Variants in ZSCAN2 observed in about 807,000 individuals in gnomAD.
ZSCAN2 encodes zinc finger and SCAN domain-containing protein 2.
Under a neutral mutation model 47.8 loss-of-function variants are expected in ZSCAN2, and 26 were observed. That is an observed-to-expected ratio of 0.54 (90% CI 0.40 to 0.75). The LOEUF (loss-of-function observed/expected upper bound fraction) is 0.75. Among genes scored for constraint, ZSCAN2 ranks in the 30% least tolerant of loss-of-function variants. The pLI, the probability that ZSCAN2 is intolerant of heterozygous loss-of-function variation, is 0.00. For missense variants in ZSCAN2, 732 were observed against 785.4 expected (o/e 0.93, Z 0.81); for synonymous variants, 305 against 288.7 (o/e 1.06, Z -0.57).
chr15:84,621,676 G>A lies in ZSCAN2; in HGVS notation c.1481G>A (p.Arg494Lys), dbSNP rs1291412356. 91 of 1,614,052 alleles carry A rather than the reference G, an allele frequency of 5.6e-5. No homozygotes were observed. The highest frequency in any genetic ancestry group is 7.5e-5 in the Non-Finnish European group (89 of 1,180,004). Residue 494 changes from arginine to lysine, a missense_variant, in exon 3 of 3, where the codon AGG (arginine) becomes AAG (lysine). This residue lies in a region of ZSCAN2 where 412 missense variants were observed against 498.0 expected (regional missense o/e 0.83). Transcript: ENST00000546148. This position sits in a 1 kb window ranked among gnomAD's most constrained non-coding sequence, Gnocchi z 5.7. Reference protein sequence around the residue: ...SWSSNLLKHQRIHTGEKPYKC... With the variant: ...SWSSNLLKHQKIHTGEKPYKC... Reference sequence around the variant, plus strand: ...AGCTCCAACCTCCTCAAGCACCAGAGGATCCACACGGGAGAGAAACCCTAC... The same window carrying A: ...AGCTCCAACCTCCTCAAGCACCAGAAGATCCACACGGGAGAGAAACCCTAC...
chr15:84,609,271 A>G (rs1895474190), intron 2 of ZSCAN2, among the ~76,000 whole-genome samples: 1 of 149,350 alleles, frequency 6.7e-6, no homozygotes, highest in African/African-American at 2.5e-5. Flanking sequence ...ACACATATAT[A>G]TCTATGATAT....
At chr15:84,603,572 C>T (rs546881098) in intron 1 of ZSCAN2, among the ~76,000 whole-genome samples, 13 of 152,064 alleles carry the variant, frequency 8.5e-5, no homozygotes, top group African/African-American at 3.1e-4. Context: ...TTTCACCATA[C>T]CTCAGGTGAT....
At chr15:84,615,034 AC>A (rs1202267476) in intron 2 of ZSCAN2, 1 of 150,552 alleles carries the variant, frequency 6.6e-6, no homozygotes, top group Non-Finnish European at 1.5e-5. Flanking sequence ...GCTCACTGTA[AC>A]CTCCGCCTCC....
intron 1 of ZSCAN2, among the ~76,000 whole-genome samples, chr15:84,601,713 A>AT (rs906519863): frequency 1.3e-4 from 19 of 151,744 alleles, no homozygotes; most frequent in African/African-American, 3.4e-4. Flanking sequence ...TTTTTAAAAA[A>AT]TTTTTTTATT....
At chr15:84,606,410 T>G in intron 2 of ZSCAN2, 9 of 784,672 alleles carry the variant, frequency 1.1e-5, no homozygotes, top group Non-Finnish European at 2.0e-5. Flanking sequence ...CCTGTCTCTT[T>G]CTGCATGGAG....
intron 2 of ZSCAN2, among the ~76,000 whole-genome samples, chr15:84,604,738 CTTTTTTTTTTT>C (rs11459006): frequency 7.8e-6 from 1 of 129,026 alleles, no homozygotes; most frequent in Non-Finnish European, 1.6e-5. Context: ...TTTCTTTTTT[CTTTTTTTTTTT>C]TTTTTTGAAA....
intron 1 of ZSCAN2, among the ~76,000 whole-genome samples, chr15:84,601,668 G>C (rs1567004299): frequency 6.6e-6 from 1 of 151,686 alleles, no homozygotes; most frequent in Non-Finnish European, 1.5e-5. Flanking sequence ...ATTGAGGGAG[G>C]GTTGTTAGTT....
At chr15:84,607,534 G>A (rs898847383) in intron 2 of ZSCAN2, among the ~76,000 whole-genome samples, 15 of 151,206 alleles carry the variant, frequency 9.9e-5, no homozygotes, top group Non-Finnish European at 1.9e-4. Flanking sequence ...TTTTTGAGAC[G>A]GTCTTTCTAC....
intron 2 of ZSCAN2, among the ~76,000 whole-genome samples, chr15:84,605,587 T>A (rs2141761625): frequency 6.6e-6 from 1 of 151,864 alleles, no homozygotes; most frequent in East Asian, 1.9e-4. Context: ...GGAAGTAGAG[T>A]TTGGGGGAAG....
chr15:84,615,297 T>G (rs1895665810), intron 2 of ZSCAN2, among the ~76,000 whole-genome samples: 1 of 152,000 alleles, frequency 6.6e-6, no homozygotes, highest in Admixed American at 6.6e-5. Flanking sequence ...AGAACTCCAG[T>G]TATGTTTACT....
At chr15:84,616,449 G>T in intron 2 of ZSCAN2, 1 of 1,553,458 alleles carries the variant, frequency 6.4e-7, no homozygotes, top group Non-Finnish European at 8.7e-7. Context: ...AGCTTTCTGA[G>T]TTCTGTTCCC....
intron 2 of ZSCAN2, among the ~76,000 whole-genome samples, chr15:84,607,728 C>G (rs561439839): frequency 1.3e-5 from 2 of 152,072 alleles, no homozygotes; most frequent in African/African-American, 2.4e-5. Context: ...AGACTGGTCT[C>G]GAACTCCTGA....
At chr15:84,608,295 C>T (rs1200521833) in intron 2 of ZSCAN2, among the ~76,000 whole-genome samples, 2 of 151,736 alleles carry the variant, frequency 1.3e-5, no homozygotes, top group African/African-American at 4.8e-5. Context: ...TTGGTGAGGC[C>T]GAGGCGGGTG....
intron 2 of ZSCAN2, among the ~76,000 whole-genome samples, chr15:84,610,234 A>G (rs1040894500): frequency 6.6e-6 from 1 of 152,202 alleles, no homozygotes; most frequent in African/African-American, 2.4e-5. Flanking sequence ...TGCAGCTTAC[A>G]AAGAAATAGA....
intron 2 of ZSCAN2, chr15:84,614,927 T>C (rs984481016): frequency 1.3e-5 from 2 of 151,802 alleles, no homozygotes; most frequent in Non-Finnish European, 2.9e-5. Flanking sequence ...CATGTTCTTA[T>C]ATCCTTACAG....
At chr15:84,618,963 T>C (rs1260841770) in intron 2 of ZSCAN2, among the ~76,000 whole-genome samples, 2 of 152,140 alleles carry the variant, frequency 1.3e-5, no homozygotes, top group East Asian at 1.9e-4. Flanking sequence ...GTCAGAACAG[T>C]GTGATCCAGG....
Position 84,621,093 on chromosome 15 carries a change from C to T in ZSCAN2, c.898C>T (p.His300Tyr), listed in dbSNP as rs1339115381. Residue 300 changes from histidine (H) to tyrosine (Y), a missense_variant, in exon 3 of 3, where the codon CAC becomes TAC. His to Tyr is a moderately conservative substitution (Grantham distance 83). Around this residue, in one of 2 missense-constraint regions of ZSCAN2, gnomAD observed 412 missense variants for 498.0 expected, o/e 0.83. Transcript: ENST00000546148. The surrounding 1 kb of genome is among the most constrained non-coding windows in gnomAD (Gnocchi z 5.7). ...CAACCTCATAACCCACCAGAGGATC[C>T]ACACGGGGGAAAAGCCCTTCCAGTG... Reference protein sequence around the residue: ...SANLITHQRIHTGEKPFQCAE... With the variant: ...SANLITHQRIYTGEKPFQCAE... 1 of 1,612,368 alleles carries T rather than the reference C, an allele frequency of 6.2e-7. No homozygotes were observed. The highest frequency in any genetic ancestry group is 8.5e-7 in the Non-Finnish European group (1 of 1,179,450).
intron 2 of ZSCAN2, among the ~76,000 whole-genome samples, chr15:84,609,303 A>T (rs1260045681): frequency 6.7e-6 from 1 of 149,460 alleles, no homozygotes; most frequent in Non-Finnish European, 1.5e-5. Context: ...GATATATGAG[A>T]TATATGATAT....
In ZSCAN2 at chr15:84,620,735, A is replaced by T. The variant is rs767361350; in HGVS notation, c.540A>T (p.Arg180Ser). The change falls in exon 3 of 3, where the codon AGA becomes AGT. Residue 180 changes from arginine (R) to serine (S), a missense_variant. Physicochemically the swap from Arg to Ser is moderately radical, Grantham distance 110 (BLOSUM62 -1). This residue lies in a region of ZSCAN2 where 320 missense variants were observed against 287.4 expected (regional missense o/e 1.11). Transcript: ENST00000546148. ...QHSDGESDFE[R>S]DAGIQRLQGH... ...CCGATGGGGAAAGTGACTTTGAGAG[A>T]GATGCTGGCATCCAGAGGCTCCAGG... 1.2e-6 allele frequency: 2 copies of T among 1,614,120 alleles called. No individual in the cohort carries two copies. Among genetic ancestry groups the T allele is most frequent in the African/African-American group, 2.7e-5 (2 of 74,944 alleles).
Sources: allele counts gnomAD v4.1 joint callset (sites outside exome capture counted in the v4.1 genomes callset), GRCh38; gene constraint gnomAD v4.1.1; regional missense constraint gnomAD v4.1.1; non-coding constraint Gnocchi (gnomAD v3.1); transcripts MANE v1.5; gene names NCBI Gene and HGNC (gene_info 2026-07-23, HGNC 2026-07-21).